The following PPFIBP2 variants were observed in gnomAD, a reference collection of about 807,000 sequenced individuals.
The protein encoded by PPFIBP2 is PPFIB scaffold protein 2, also known as liprin-beta-2.
A neutral mutation model predicts 118.3 loss-of-function variants in PPFIBP2; 118 were observed. The observed-to-expected ratio is 1.00, with a 90% CI of 0.86 to 1.16. The LOEUF is 1.16. PPFIBP2 is among the 50% of genes most tolerant of loss of function. PPFIBP2 has a pLI of 0.00. For missense variants in PPFIBP2, 1,195 were observed against 1,073.1 expected (o/e 1.11, Z -1.59); for synonymous variants, 414 against 397.4 (o/e 1.04, Z -0.50).
chr11:7,577,700 G>T, intron 3 of PPFIBP2: 1 of 450,174 alleles, frequency 2.2e-6, no homozygotes, highest in South Asian at 1.6e-5. Flanking sequence ...GACGCTTTGG[G>T]GTGTTTTGGG....
At chr11:7,558,378 A>G (rs936191083) in intron 2 of PPFIBP2, among the ~76,000 whole-genome samples, 12 of 152,240 alleles carry the variant, frequency 7.9e-5, no homozygotes, top group African/African-American at 2.7e-4. Flanking sequence ...TGAGCCTACT[A>G]TGAATGCAAG....
At chr11:7,536,723 A>G (rs777335807) in intron 1 of PPFIBP2, among the ~76,000 whole-genome samples, 5 of 152,156 alleles carry the variant, frequency 3.3e-5, no homozygotes, top group Non-Finnish European at 7.4e-5. Flanking sequence ...TCCCGGGAGC[A>G]GAAGGAAGAA....
At chr11:7,557,772 C>T (rs1853807077) in intron 2 of PPFIBP2, among the ~76,000 whole-genome samples, 1 of 152,134 alleles carries the variant, frequency 6.6e-6, no homozygotes, top group African/African-American at 2.4e-5. Context: ...TTTGGGGATG[C>T]AGATTCATAT....
rs534861077 is a variant in PPFIBP2 at position 7,617,189 on chromosome 11, G to A, written c.619-3746G>A. Reference sequence around the variant, plus strand: ...TGGACATCCACAGGCAGATTCAAGAGCGCCTGTTACTCAGTAGGGACCACC... The same window carrying A: ...TGGACATCCACAGGCAGATTCAAGAACGCCTGTTACTCAGTAGGGACCACC... On this transcript the variant is annotated intron_variant, in intron 6 of 23. Transcript: ENST00000299492. 215 of 985,320 alleles carry A rather than the reference G, an allele frequency of 2.2e-4. 2 individuals carry two copies. Among genetic ancestry groups the A allele is most frequent in the Non-Finnish European group, 2.5e-4 (211 of 829,942 alleles). 61.0% of individuals were successfully genotyped at this position (985,320 alleles called of 1,614,324 possible).
At chr11:7,618,395 G>C (rs1848936792) in intron 6 of PPFIBP2, among the ~76,000 whole-genome samples, 1 of 152,182 alleles carries the variant, frequency 6.6e-6, no homozygotes, top group Non-Finnish European at 1.5e-5. Context: ...AGGTCACGGA[G>C]CCTGGAGAGG....
intron 3 of PPFIBP2, among the ~76,000 whole-genome samples, chr11:7,567,703 A>G (rs1274289782): frequency 6.6e-6 from 1 of 152,214 alleles, no homozygotes; most frequent in Non-Finnish European, 1.5e-5. Context: ...CTTAATCTGT[A>G]TGGGAATAGA....
chr11:7,613,935 G>A (rs989309845), intron 6 of PPFIBP2, among the ~76,000 whole-genome samples: 5 of 152,196 alleles, frequency 3.3e-5, no homozygotes, highest in Non-Finnish European at 7.3e-5. Context: ...AGGATTTCCT[G>A]CAGAAAATGG....
chr11:7,550,696 G>T (rs1450690204), intron 2 of PPFIBP2, among the ~76,000 whole-genome samples: 1 of 152,178 alleles, frequency 6.6e-6, no homozygotes, highest in Non-Finnish European at 1.5e-5. Context: ...GCAAAGTATT[G>T]ATCCCGGGTG....
intron 5 of PPFIBP2, among the ~76,000 whole-genome samples, chr11:7,608,644 A>C (rs955456990): frequency 3.9e-5 from 6 of 152,116 alleles, no homozygotes; most frequent in South Asian, 2.1e-4. Context: ...CTGTCTCAAA[A>C]AAACAAACAA....
Position 7,653,007 on chromosome 11 carries a change from C to T in PPFIBP2, c.2437-17C>T. 1.3e-6 allele frequency: 2 copies of T among 1,597,416 alleles called. No homozygotes were observed. The highest frequency in any genetic ancestry group is 1.7e-6 in the Non-Finnish European group (2 of 1,169,292). On this transcript the variant is annotated splice_polypyrimidine_tract_variant and intron_variant, in intron 23 of 23. Transcript: ENST00000299492. ...CCTTGATTGCCTTCTCATAATCTTG[C>T]ATTTTCTGTGTTTTAGCCAAGGAAA...
At chr11:7,593,556 G>C (rs937908641) in intron 4 of PPFIBP2, among the ~76,000 whole-genome samples, 3 of 152,174 alleles carry the variant, frequency 2.0e-5, no homozygotes, top group Non-Finnish European at 4.4e-5. Context: ...AAGCTCCTGA[G>C]TCTTGCGAGG....
At chr11:7,646,498 G>A (rs1258117259) in intron 17 of PPFIBP2, among the ~76,000 whole-genome samples, 4 of 152,210 alleles carry the variant, frequency 2.6e-5, no homozygotes, top group Non-Finnish European at 5.9e-5. Context: ...TGTTGTCATA[G>A]AATATATTAT....
intron 12 of PPFIBP2, 46 bp from the exon 13 acceptor site, chr11:7,634,449 T>C: frequency 1.4e-6 from 2 of 1,446,460 alleles, no homozygotes; most frequent in Non-Finnish European, 1.9e-6. Flanking sequence ...AGTGATAACA[T>C]GTACCTCCTT....
At chr11:7,663,422 G>C in the PPFIBP2 span, among the ~76,000 whole-genome samples, 384 of 152,040 alleles carry the variant, frequency 2.5e-3, 5 homozygotes, top group African/African-American at 8.7e-3. Flanking sequence ...AGGTGTCGGT[G>C]TGCCCCTGCT....
chr11:7,536,329 A>G (rs974702963), intron 1 of PPFIBP2, among the ~76,000 whole-genome samples: 2 of 152,146 alleles, frequency 1.3e-5, no homozygotes, highest in African/African-American at 4.8e-5. Context: ...GGGGTGTCAG[A>G]GAGCACGGGA....
chr11:7,630,870 A>T, intron 10 of PPFIBP2, 55 bp from the exon 11 acceptor site: 2 of 1,280,164 alleles, frequency 1.6e-6, no homozygotes, highest in Non-Finnish European at 2.3e-6. Context: ...TGGTACGATT[A>T]TAGGTTTCTG....
chr11:7,653,304 C>G lies in PPFIBP2; in HGVS notation c.*86C>G. 1 of 1,575,980 alleles carries G rather than the reference C, an allele frequency of 6.3e-7. No homozygotes were observed. Among genetic ancestry groups the G allele is most frequent in the Non-Finnish European group, 8.6e-7 (1 of 1,163,484 alleles). ...CATATAACTGCACCTCACCCCCGCA[C>G]GTGTGCATGACTCGCAGAGAATATT... is the stretch of plus-strand genomic sequence containing the variant. On this transcript the variant is annotated 3_prime_UTR_variant, in exon 24 of 24. Transcript: ENST00000299492.
chr11:7,533,024 T>C (rs866467003), intron 1 of PPFIBP2, among the ~76,000 whole-genome samples: 2 of 107,658 alleles, frequency 1.9e-5, no homozygotes, highest in South Asian at 5.6e-4. Context: ...AACTTACCAA[T>C]TCATATCTGT....
Position 7,653,406 on chromosome 11 carries a change from G to T in PPFIBP2, c.*188G>T, listed in dbSNP as rs1281165980. ...GGATCTGGAGCTGCATCTCTAAGGGGCCAGGCTTTGGGGACCATTGCCAAA... is the reference window on the plus strand; with the variant it reads ...GGATCTGGAGCTGCATCTCTAAGGGTCCAGGCTTTGGGGACCATTGCCAAA... On this transcript the variant is annotated 3_prime_UTR_variant, in exon 24 of 24. Transcript: ENST00000299492. 2.7e-6 allele frequency: 4 copies of T among 1,491,478 alleles called. No homozygotes were observed. The highest frequency in any genetic ancestry group is 2.7e-5 in the South Asian group (2 of 74,922). The allele number at this position is 1,491,478 out of a possible 1,614,324, so 92.4% of individuals were successfully genotyped here. A position where few individuals can be genotyped will look rare whatever the true frequency, so the allele number is the denominator to read the frequency against.
Sources: gnomAD v4.1 joint callset for allele counts (sites outside exome capture counted in the v4.1 genomes callset) on GRCh38, gnomAD v4.1.1 for gene constraint, MANE v1.5 for transcripts, NCBI Gene and HGNC (gene_info 2026-07-23, HGNC 2026-07-21) for gene names.